RGN: variants seen among roughly 807,000 people sequenced by gnomAD.
RGN encodes epididymis secretory protein Li 41.
RGN carries 19 observed loss-of-function variants against 20.6 expected under a neutral mutation model. The ratio of observed to expected loss-of-function variants is 0.92; its 90% CI spans 0.64 to 1.35. The LOEUF (loss-of-function observed/expected upper bound fraction) is 1.35. Ranked by LOEUF, RGN falls within the 40% of genes most tolerant of loss-of-function variation. The pLI, the probability that RGN is intolerant of heterozygous loss-of-function variation, is 0.00. For synonymous variants in RGN, 85 were observed against 87.2 expected (o/e 0.97, Z 0.14); for missense variants, 302 against 232.7 (o/e 1.30, Z -1.94).
chrX:47,092,336 C>T lies in RGN; in HGVS notation c.849+121C>T, dbSNP rs143395908. ...GCATAATCCTATTTAGCATGTTAAG[C>T]TCATCATACTAGACTGAAAAACATT... is the stretch of plus-strand genomic sequence containing the variant. On this transcript the variant is annotated intron_variant, in intron 7 of 7. Transcript: ENST00000397180. 6.8e-3 allele frequency: 4,008 copies of T among 588,287 alleles called. 138 individuals carry two copies. In the African/African-American group the frequency reaches 0.084, roughly 12 times the overall value. 48.5% of individuals were successfully genotyped at this position (588,287 alleles called of 1,213,427 possible).
chrX:47,088,967 AT>A (rs1930744337), intron 4 of RGN, among the ~76,000 whole-genome samples: 1 of 93,728 alleles, frequency 1.1e-5, no homozygotes, highest in Admixed American at 1.2e-4. Context: ...GAAGAAGAAG[AT>A]AGAAGAAGAA....
At chrX:47,092,336 C>A in intron 7 of RGN, 121 bp downstream of exon 7, 1 of 589,991 alleles carries the variant, frequency 1.7e-6, no homozygotes, top group Non-Finnish European at 2.6e-6. Flanking sequence ...GCATGTTAAG[C>A]TCATCATACT....
chrX:47,087,237 T>G (rs1371810226), intron 4 of RGN, among the ~76,000 whole-genome samples: 3 of 111,601 alleles, frequency 2.7e-5, no homozygotes, highest in Middle Eastern at 9.3e-3. Context: ...CACTGCCGCC[T>G]CACATTGTTG....
intron 3 of RGN, among the ~76,000 whole-genome samples, chrX:47,082,064 T>C (rs1930350809): frequency 9.0e-6 from 1 of 111,710 alleles, no homozygotes; most frequent in African/African-American, 3.3e-5. Context: ...GGACCGTCTT[T>C]GTTTACTGCA....
At position 47,089,762 on chromosome X, in the gene RGN, T is replaced by C. The variant is rs782176532; in HGVS notation, c.347-14T>C. 2.5e-6 allele frequency: 3 copies of C among 1,190,586 alleles called. No homozygotes were observed. In the African/African-American group the frequency reaches 5.4e-5, roughly 22 times the overall value. On this transcript the variant is annotated splice_polypyrimidine_tract_variant and intron_variant, in intron 4 of 7. Transcript: ENST00000397180. ...TGCTATGGGGCAGAGCTCAGTGCTC[T>C]TTGGTTTTTGTAGGCACCATGGCTG... is the stretch of plus-strand genomic sequence containing the variant.
rs1235577558 is a variant in RGN, at chrX:47,080,542, T to C, written c.-410T>C. 2 of 112,140 alleles carry C rather than the reference T, an allele frequency of 1.8e-5. No homozygotes were observed. The highest frequency in any genetic ancestry group is 3.8e-5 in the Non-Finnish European group (2 of 53,276). 9.2% of individuals were successfully genotyped at this position (112,140 alleles called of 1,213,427 possible). ...GTCTGCGTTGGAAAATGTGTGTTAG[T>C]TCGAATTCAGCGAGTTCTCATTGGG... On this transcript the variant is annotated 5_prime_UTR_variant, in exon 2 of 8. Transcript: ENST00000397180.
At chrX:47,090,414 T>A (rs1432939705) in intron 5 of RGN, among the ~76,000 whole-genome samples, 3 of 110,682 alleles carry the variant, frequency 2.7e-5, no homozygotes, top group Non-Finnish European at 5.7e-5. Context: ...TGATTGCTAT[T>A]TCTTGTTTGT....
chrX:47,084,363 G>C (rs1310445732), intron 3 of RGN, 55 bp from the exon 4 acceptor site: 4 of 1,046,922 alleles, frequency 3.8e-6, no homozygotes, highest in Non-Finnish European at 5.1e-6. Context: ...AGTGATCTCA[G>C]TGGCCTCAGC....
intron 4 of RGN, among the ~76,000 whole-genome samples, chrX:47,089,526 A>G (rs1210884153): frequency 7.7e-5 from 3 of 38,885 alleles, no homozygotes; most frequent in East Asian, 2.2e-3. Flanking sequence ...CATATTATAT[A>G]TACTCATATA....
chrX:47,079,717 C>A (rs1360681608), intron 1 of RGN, among the ~76,000 whole-genome samples: 4 of 111,221 alleles, frequency 3.6e-5, no homozygotes, highest in Non-Finnish European at 7.5e-5. Context: ...AGGCATGAGC[C>A]ACCATGCCCG....
At chrX:47,083,446 A>G (rs1278256313) in intron 3 of RGN, among the ~76,000 whole-genome samples, 3 of 111,749 alleles carry the variant, frequency 2.7e-5, no homozygotes, top group Non-Finnish European at 3.8e-5. Context: ...TAAATGAAGA[A>G]AACCTAAAAT....
chrX:47,092,884 T>C lies in RGN; in HGVS notation c.850-13T>C. 1 of 1,197,459 alleles carries C rather than the reference T, an allele frequency of 8.4e-7. No homozygotes were observed. The highest frequency in any genetic ancestry group is 1.1e-6 in the Non-Finnish European group (1 of 883,102). On this transcript the variant is annotated splice_polypyrimidine_tract_variant and intron_variant, in intron 7 of 7. Coordinates refer to ENST00000397180, the MANE Select transcript of RGN (RefSeq NM_152869.4). ...ACCTTTCACCTGAGATTCCCTCTTT[T>C]CTTTTTCAACAGATAACTGGTCTGG...
chrX:47,079,984 A>G (rs1930224811), intron 1 of RGN, among the ~76,000 whole-genome samples: 1 of 110,796 alleles, frequency 9.0e-6, no homozygotes, highest in African/African-American at 3.3e-5. Flanking sequence ...CCTGAACTCA[A>G]ATGATCCTCC....
At chrX:47,090,722 G>T (rs1930904964) in intron 5 of RGN, among the ~76,000 whole-genome samples, 1 of 108,439 alleles carries the variant, frequency 9.2e-6, no homozygotes, top group Non-Finnish European at 1.9e-5. Flanking sequence ...AACTATTCTG[G>T]TGCAGATGTT....
chrX:47,083,780 T>G (rs1930453664), intron 3 of RGN, among the ~76,000 whole-genome samples: 1 of 109,916 alleles, frequency 9.1e-6, no homozygotes, highest in Non-Finnish European at 1.9e-5. Flanking sequence ...CTAGGCGTGG[T>G]GCATGCCTGT....
chrX:47,090,924 GAAAGA>G (rs1930943906), intron 5 of RGN, among the ~76,000 whole-genome samples: 3 of 22,234 alleles, frequency 1.3e-4, no homozygotes, highest in African/African-American at 4.2e-4. Context: ...AGGAAAGAAA[GAAAGA>G]AAGAAAGAAA....
chrX:47,089,508 TATA>T (rs1430474262), intron 4 of RGN, among the ~76,000 whole-genome samples: 10 of 45,070 alleles, frequency 2.2e-4, no homozygotes, highest in Non-Finnish European at 4.0e-4. Context: ...TATATATACT[TATA>T]TATACATATT....
At chrX:47,082,394 T>C (rs1349882025) in intron 3 of RGN, among the ~76,000 whole-genome samples, 4 of 97,039 alleles carry the variant, frequency 4.1e-5, no homozygotes, top group African/African-American at 7.7e-5. Flanking sequence ...TACTACAGCC[T>C]CAATCTCCCA....
At chrX:47,090,881 A>G (rs1205944263) in intron 5 of RGN, among the ~76,000 whole-genome samples, 2 of 87,123 alleles carry the variant, frequency 2.3e-5, no homozygotes, top group African/African-American at 8.4e-5. Context: ...AAAGAAAGAA[A>G]GAAAAGAAGA....
Sources: gnomAD v4.1 joint callset for allele counts (sites outside exome capture counted in the v4.1 genomes callset) on GRCh38, gnomAD v4.1.1 for gene constraint, MANE v1.5 for transcripts, NCBI Gene and HGNC (gene_info 2026-07-23, HGNC 2026-07-21) for gene names.